The following NLGN1 variants were observed in gnomAD, a reference collection of about 807,000 sequenced individuals.
NLGN1 encodes the protein neuroligin-1.
In NLGN1, 12 loss-of-function variants were observed where a neutral mutation model predicts 65.5. The ratio of observed to expected loss-of-function variants is 0.18; its 90% CI spans 0.12 to 0.30. NLGN1 has a LOEUF of 0.30. Among genes scored for constraint, NLGN1 ranks in the 10% least tolerant of loss-of-function variants. The pLI is 1.00. For synonymous variants in NLGN1, 350 were observed against 359.5 expected, an observed-to-expected ratio of 0.97 and a Z score of 0.30; for missense variants, 750 against 1,007.1, an observed-to-expected ratio of 0.74 and a Z score of 3.46.
chr3:173,610,874 T>A (rs1055626962), intron 3 of NLGN1, among the ~76,000 whole-genome samples: 45 of 151,864 alleles, frequency 3.0e-4, no homozygotes, highest in African/African-American at 1.0e-3. Flanking sequence ...ATACGAGAAG[T>A]GAGGAAAATA....
chr3:173,767,042 A>G (rs986871414), intron 3 of NLGN1, among the ~76,000 whole-genome samples: 5 of 152,182 alleles, frequency 3.3e-5, no homozygotes, highest in Admixed American at 1.3e-4. Context: ...AGTAATTACA[A>G]TGTATCCTGA....
At chr3:173,740,378 G>A (rs962296283) in intron 3 of NLGN1, among the ~76,000 whole-genome samples, 21 of 152,190 alleles carry the variant, frequency 1.4e-4, no homozygotes, top group African/African-American at 4.8e-4. Context: ...TTCATCACCT[G>A]TTTAAGCAAA....
At chr3:173,705,864 G>A (rs980358817) in intron 3 of NLGN1, among the ~76,000 whole-genome samples, 1 of 151,970 alleles carries the variant, frequency 6.6e-6, no homozygotes, top group Admixed American at 6.6e-5. Flanking sequence ...CCTTGTGACA[G>A]TCAGTTGTAG....
chr3:173,690,340 T>C (rs1277818456), intron 3 of NLGN1, among the ~76,000 whole-genome samples: 1 of 152,180 alleles, frequency 6.6e-6, no homozygotes, highest in Admixed American at 6.5e-5. Context: ...TGCCATTTAC[T>C]CTCACTTCTA....
At chr3:173,488,532 A>G (rs1391890940) in intron 2 of NLGN1, among the ~76,000 whole-genome samples, 2 of 152,040 alleles carry the variant, frequency 1.3e-5, no homozygotes, top group Non-Finnish European at 2.9e-5. Flanking sequence ...TTAGTTTTAA[A>G]TTATGGTTTA....
At chr3:174,106,777 C>A (rs927269432) in intron 4 of NLGN1, among the ~76,000 whole-genome samples, 5 of 152,118 alleles carry the variant, frequency 3.3e-5, no homozygotes, top group African/African-American at 1.2e-4. Context: ...TGCAGCCCCA[C>A]TCTGAAGGCC....
chr3:173,416,837 A>C (rs1713896278), intron 1 of NLGN1, among the ~76,000 whole-genome samples: 1 of 152,134 alleles, frequency 6.6e-6, no homozygotes. Flanking sequence ...AAGTGAGTCT[A>C]ATGTATTTTG....
intron 4 of NLGN1, among the ~76,000 whole-genome samples, chr3:174,047,998 A>G (rs1412909704): frequency 6.6e-6 from 1 of 152,056 alleles, no homozygotes; most frequent in Non-Finnish European, 1.5e-5. Context: ...TCTAGAAAGC[A>G]ATTAAAGGGA....
intron 4 of NLGN1, among the ~76,000 whole-genome samples, chr3:174,102,729 A>G (rs1326934208): frequency 6.6e-6 from 1 of 152,160 alleles, no homozygotes; most frequent in Non-Finnish European, 1.5e-5. Flanking sequence ...GAATTCTCTG[A>G]CAGCCCAGGG....
intron 4 of NLGN1, among the ~76,000 whole-genome samples, chr3:174,228,726 T>C (rs960696208): frequency 6.6e-6 from 1 of 152,098 alleles, no homozygotes; most frequent in Non-Finnish European, 1.5e-5. Context: ...TAACTCTTCT[T>C]CAGAGTATTC....
intron 4 of NLGN1, among the ~76,000 whole-genome samples, chr3:173,837,022 C>G (rs1723751007): frequency 6.6e-6 from 1 of 152,132 alleles, no homozygotes; most frequent in African/African-American, 2.4e-5. Context: ...TGAAAATCAT[C>G]TAAGTATATT....
At chr3:174,056,379 T>C (rs916613491) in intron 4 of NLGN1, among the ~76,000 whole-genome samples, 1 of 152,038 alleles carries the variant, frequency 6.6e-6, no homozygotes, top group African/African-American at 2.4e-5. Flanking sequence ...TTTTTTCTAC[T>C]GAAATAAGTA....
At chr3:173,519,788 A>C (rs777511230) in intron 2 of NLGN1, among the ~76,000 whole-genome samples, 14 of 151,892 alleles carry the variant, frequency 9.2e-5, no homozygotes, top group Non-Finnish European at 1.2e-4. Context: ...CTTTTGAGTA[A>C]ATGTTGGAAT....
At chr3:173,754,639 A>G (rs1776826335) in intron 3 of NLGN1, among the ~76,000 whole-genome samples, 1 of 152,150 alleles carries the variant, frequency 6.6e-6, no homozygotes, top group Non-Finnish European at 1.5e-5. Context: ...TTGATGAATG[A>G]ATGAATACAT....
intron 2 of NLGN1, among the ~76,000 whole-genome samples, chr3:173,459,833 G>A (rs962004680): frequency 7.9e-5 from 12 of 151,878 alleles, no homozygotes; most frequent in Admixed American, 2.6e-4. Context: ...ATATTTTTGT[G>A]TATCAAATAC....
chr3:174,088,058 C>A (rs899105811), intron 4 of NLGN1, among the ~76,000 whole-genome samples: 2 of 151,964 alleles, frequency 1.3e-5, no homozygotes, highest in African/African-American at 4.8e-5. Context: ...CGTATATATG[C>A]TAATATTACA....
intron 4 of NLGN1, among the ~76,000 whole-genome samples, chr3:173,905,393 C>G (rs189698613): frequency 4.9e-4 from 74 of 152,104 alleles, no homozygotes; most frequent in South Asian, 1.9e-3. Flanking sequence ...TAAAGCAATA[C>G]GTTAAGAAAG....
intron 4 of NLGN1, among the ~76,000 whole-genome samples, chr3:173,913,208 A>G (rs1032712848): frequency 2.0e-5 from 3 of 152,214 alleles, no homozygotes; most frequent in African/African-American, 7.2e-5. Context: ...CATGTGTGGA[A>G]GGATTCTAAA....
At chr3:173,754,024 C>CTTT (rs71162358) in intron 3 of NLGN1, among the ~76,000 whole-genome samples, 48 of 121,590 alleles carry the variant, frequency 3.9e-4, no homozygotes, top group Middle Eastern at 9.3e-3. Flanking sequence ...TCTTTCTTTT[C>CTTT]TTTTTTTTTT....
Sources: gnomAD v4.1 joint callset for allele counts (sites outside exome capture counted in the v4.1 genomes callset) on GRCh38, gnomAD v4.1.1 for gene constraint, MANE v1.5 for transcripts, NCBI Gene and HGNC (gene_info 2026-07-23, HGNC 2026-07-21) for gene names.